TAF4B: variants seen among roughly 807,000 people sequenced by gnomAD.
TAF4B encodes TATA-box binding protein associated factor 4b, also known as transcription initiation factor TFIID subunit 4B.
A neutral mutation model predicts 86.4 loss-of-function variants in TAF4B; 38 were observed. The observed-to-expected ratio is 0.44, with a 90% confidence interval of 0.34 to 0.58. TAF4B has a LOEUF of 0.58. TAF4B is among the 20% of genes least tolerant of loss of function. The probability of loss-of-function intolerance (pLI) is 0.02; values close to 1 mark genes in which losing one functional copy is unlikely to be tolerated. For synonymous variants in TAF4B, 388 were observed against 391.2 expected, an observed-to-expected ratio of 0.99 and a Z score of 0.10; for missense variants, 988 against 1,027.6, an observed-to-expected ratio of 0.96 and a Z score of 0.53.
chr18:26,325,371 G>T (rs1175611347), intron 11 of TAF4B, among the ~76,000 whole-genome samples: 1 of 152,174 alleles, frequency 6.6e-6, no homozygotes, highest in Non-Finnish European at 1.5e-5. Context: ...ACATTGTAAA[G>T]CCCTACTCTG....
At chr18:26,291,325 A>T (rs535354459) in intron 7 of TAF4B, among the ~76,000 whole-genome samples, 1 of 151,784 alleles carries the variant, frequency 6.6e-6, no homozygotes, top group South Asian at 2.1e-4. Flanking sequence ...CAGTGGTGCA[A>T]TCTCAGCTCA....
At chr18:26,324,457 A>G (rs1311256398) in intron 11 of TAF4B, among the ~76,000 whole-genome samples, 1 of 152,222 alleles carries the variant, frequency 6.6e-6, no homozygotes, top group Non-Finnish European at 1.5e-5. Flanking sequence ...TGTATAAAAC[A>G]TAATAAGTAT....
chr18:26,288,687 A>T (rs374756371), intron 7 of TAF4B, among the ~76,000 whole-genome samples: 7 of 152,154 alleles, frequency 4.6e-5, no homozygotes, highest in African/African-American at 1.4e-4. Context: ...TGGATCTCAG[A>T]CTAGAACCCA....
intron 8 of TAF4B, among the ~76,000 whole-genome samples, chr18:26,292,738 G>A (rs1484346277): frequency 6.6e-6 from 1 of 152,118 alleles, no homozygotes; most frequent in African/African-American, 2.4e-5. Context: ...GGCCAGGCTG[G>A]TCTCAAACTC....
chr18:26,320,312 G>A (rs1425636306), intron 10 of TAF4B, among the ~76,000 whole-genome samples: 1 of 152,152 alleles, frequency 6.6e-6, no homozygotes, highest in Non-Finnish European at 1.5e-5. Context: ...TTTCACTGGG[G>A]CTGAGAAGTA....
intron 14 of TAF4B, among the ~76,000 whole-genome samples, chr18:26,359,540 A>G (rs547434379): frequency 7.3e-4 from 111 of 152,182 alleles, no homozygotes; most frequent in Admixed American, 2.5e-3. Context: ...GTCCTGTATA[A>G]TGTACAAAAA....
intron 13 of TAF4B, among the ~76,000 whole-genome samples, chr18:26,346,118 G>A (rs1407782245): frequency 6.6e-6 from 1 of 152,084 alleles, no homozygotes; most frequent in Admixed American, 6.5e-5. Context: ...AGAAGCATGT[G>A]CCACCATGCC....
rs577917214 is a variant in TAF4B, at chr18:26,367,673, G to C, written c.2421+9879G>C. ...GGTAACCCTTAGCCCAGTCAAGTTGGCACATAAAATTAACCATCATAGACA... is the reference window on the plus strand; with the variant it reads ...GGTAACCCTTAGCCCAGTCAAGTTGCCACATAAAATTAACCATCATAGACA... On this transcript the variant is annotated intron_variant, in intron 14 of 14. Coordinates refer to ENST00000269142, the MANE Select transcript of TAF4B (RefSeq NM_005640.3). Among the ~76,000 whole-genome samples the C allele has an allele frequency of 9.9e-5, 15 of 152,234 alleles. 1 individual carries two copies. In the South Asian group the frequency reaches 2.3e-3, roughly 23 times the overall value.
chr18:26,366,355 A>G (rs1272643263), intron 14 of TAF4B: 8 of 152,194 alleles, frequency 5.3e-5, no homozygotes, highest in Admixed American at 5.2e-4. Flanking sequence ...GGACCATGCT[A>G]ATCTTTTCTG....
intron 3 of TAF4B, among the ~76,000 whole-genome samples, chr18:26,268,645 G>A (rs1216134428): frequency 6.6e-6 from 1 of 152,016 alleles, no homozygotes; most frequent in Non-Finnish European, 1.5e-5. Flanking sequence ...ATGTGGATTT[G>A]CCACACATAC....
At chr18:26,309,619 TTAAAG>T (rs1156857964) in intron 9 of TAF4B, among the ~76,000 whole-genome samples, 1 of 152,100 alleles carries the variant, frequency 6.6e-6, no homozygotes, top group Non-Finnish European at 1.5e-5. Context: ...TTAATTTTTG[TTAAAG>T]TATGTTATTT....
chr18:26,386,373 TC>T (rs1394712103), intron 14 of TAF4B, among the ~76,000 whole-genome samples: 2 of 152,152 alleles, frequency 1.3e-5, no homozygotes, highest in Non-Finnish European at 2.9e-5. Context: ...TCTCTTTGCT[TC>T]CATGTTAATT....
chr18:26,376,194 G>C (rs1036986755), intron 14 of TAF4B, among the ~76,000 whole-genome samples: 14 of 149,624 alleles, frequency 9.4e-5, no homozygotes, highest in African/African-American at 3.5e-4. Context: ...ATATTTTCAT[G>C]CGTATTTTAG....
rs572170962 is a variant in TAF4B at position 26,261,573 on chromosome 18, C to T, written c.344-3597C>T. Among the ~76,000 whole-genome samples, 400 of 152,316 alleles carry T rather than the reference C, an allele frequency of 2.6e-3. 3 individuals carry two copies. The highest frequency in any genetic ancestry group is 9.3e-3 in the African/African-American group (385 of 41,562). On this transcript the variant is annotated intron_variant, in intron 1 of 14. Coordinates refer to ENST00000269142, the MANE Select transcript of TAF4B (RefSeq NM_005640.3). ...AAGCTGTCTGCTTATGCTGGTATCA[C>T]AGCTGGCTGTTAGGATCCACTCATT...
In TAF4B at chr18:26,324,707, C is replaced by T. The variant is rs2056990629; in HGVS notation, c.2134-2308C>T. 2.6e-5 allele frequency among the ~76,000 whole-genome samples: 4 copies of T among 152,230 alleles called. No homozygotes were observed. In the South Asian group the frequency reaches 8.3e-4, roughly 32 times the overall value. ...ATACTACCTATTCTGACTGATTTTC[C>T]CGAGCTTTCCTTTTCCTACACTCAT... On this transcript the variant is annotated intron_variant, in intron 11 of 14. Coordinates refer to ENST00000269142, the MANE Select transcript of TAF4B (RefSeq NM_005640.3).
At chr18:26,229,741 GA>G (rs2055635274) in intron 1 of TAF4B, among the ~76,000 whole-genome samples, 1 of 152,006 alleles carries the variant, frequency 6.6e-6, no homozygotes, top group Non-Finnish European at 1.5e-5. Flanking sequence ...GACCTCAAGT[GA>G]TCAGCCTGCT....
At chr18:26,314,060 C>T (rs546240437) in intron 9 of TAF4B, among the ~76,000 whole-genome samples, 13 of 152,166 alleles carry the variant, frequency 8.5e-5, no homozygotes, top group African/African-American at 3.1e-4. Flanking sequence ...TAAAGTTGAA[C>T]ACCAGAGGCC....
chr18:26,313,868 A>G (rs1227980808), intron 9 of TAF4B, among the ~76,000 whole-genome samples: 3 of 151,736 alleles, frequency 2.0e-5, no homozygotes, highest in Non-Finnish European at 2.9e-5. Context: ...GTATCTCCCT[A>G]TGTTGCCCAG....
At chr18:26,384,692 G>C (rs1045941381) in intron 14 of TAF4B, among the ~76,000 whole-genome samples, 9 of 152,218 alleles carry the variant, frequency 5.9e-5, no homozygotes, top group African/African-American at 1.9e-4. Flanking sequence ...ACTGTTTCCT[G>C]TTTGTAAACC....
Sources: allele counts gnomAD v4.1 joint callset (sites outside exome capture counted in the v4.1 genomes callset), GRCh38; gene constraint gnomAD v4.1.1; transcripts MANE v1.5; gene names NCBI Gene and HGNC (gene_info 2026-07-23, HGNC 2026-07-21).